MAL2: variants seen among roughly 807,000 people sequenced by gnomAD.
MAL2 encodes the protein protein MAL2.
MAL2 carries 17 observed loss-of-function variants against 18.1 expected under a neutral mutation model. That is an observed-to-expected ratio of 0.94 (90% CI 0.64 to 1.41). The LOEUF (loss-of-function observed/expected upper bound fraction) is 1.41, where lower values mean the gene tolerates loss of function less well. MAL2 is among the 40% of genes most tolerant of loss of function. The pLI, the probability that MAL2 is intolerant of heterozygous loss-of-function variation, is 0.00. For missense variants in MAL2, 222 were observed against 231.9 expected (o/e 0.96, Z 0.28); for synonymous variants, 102 against 102.3 (o/e 1.00, Z 0.02).
intron 2 of MAL2, among the ~76,000 whole-genome samples, chr8:119,235,587 A>C (rs1202908148): frequency 6.6e-6 from 1 of 152,126 alleles, no homozygotes; most frequent in Non-Finnish European, 1.5e-5. Flanking sequence ...CCATCAGACT[A>C]ACAGCGGGTC....
At chr8:119,228,754 G>A (rs528413355) in intron 2 of MAL2, among the ~76,000 whole-genome samples, 7 of 152,254 alleles carry the variant, frequency 4.6e-5, no homozygotes, top group Non-Finnish European at 8.8e-5. Context: ...ATAAATCCTC[G>A]ATGCCCTAGG....
chr8:119,240,398 C>A, intron 3 of MAL2, 78 bp downstream of exon 3: 1 of 1,444,294 alleles, frequency 6.9e-7, no homozygotes, highest in Non-Finnish European at 9.5e-7. Context: ...ACTCCTCAGG[C>A]AACAATAGTT....
chr8:119,240,124 ATTT>A (rs554091744), intron 2 of MAL2, 38 bp from the exon 3 acceptor site: 3 of 1,553,712 alleles, frequency 1.9e-6, no homozygotes, highest in Non-Finnish European at 2.6e-6. Flanking sequence ...ACAGAAAAAT[ATTT>A]TTTTTTAATT....
At chr8:119,227,723 A>T (rs1247976388) in intron 2 of MAL2, among the ~76,000 whole-genome samples, 1 of 152,184 alleles carries the variant, frequency 6.6e-6, no homozygotes, top group African/African-American at 2.4e-5. Flanking sequence ...CTCCATATAC[A>T]TCTGGGAGTC....
In MAL2 at chr8:119,221,692, C is replaced by T; in HGVS notation, c.238C>T (p.Leu80Phe). Residue 80 changes from leucine (L) to phenylalanine (F), a missense_variant, in exon 2 of 4, where the codon CTC (leucine) becomes TTC (phenylalanine). Physicochemically the swap from Leu to Phe is conservative, Grantham distance 22 (BLOSUM62 0). Coordinates refer to ENST00000614891, the MANE Select transcript of MAL2 (RefSeq NM_052886.3). ...FVSVTAFFFS[L>F]LFLGMFLSGM... ...GTCCGTGACAGCGTTTTTCTTTTCG[C>T]TCCTCTTTCTGGGCATGTTCCTCTC... 6.2e-7 allele frequency: 1 copy of T among 1,613,888 alleles called. No homozygotes were observed. Among genetic ancestry groups the T allele is most frequent in the Non-Finnish European group, 8.5e-7 (1 of 1,179,842 alleles).
chr8:119,219,554 T>TGA (rs1427997027), intron 1 of MAL2, among the ~76,000 whole-genome samples: 52 of 145,216 alleles, frequency 3.6e-4, no homozygotes, highest in African/African-American at 1.3e-3. Context: ...TGTGTGTGTG[T>TGA]GAGAGAGAGA....
intron 2 of MAL2, among the ~76,000 whole-genome samples, chr8:119,234,086 A>G (rs929036170): frequency 0.015 from 2,241 of 152,230 alleles, 61 homozygotes; most frequent in African/African-American, 0.052. Context: ...CAGTGGGCAC[A>G]GGCCAGTGGG....
intron 1 of MAL2, 149 bp from the exon 2 acceptor site, chr8:119,221,438 G>A: frequency 1.1e-6 from 1 of 888,402 alleles, no homozygotes; most frequent in Non-Finnish European, 1.7e-6. Flanking sequence ...ACATAATAAG[G>A]GGAAAATCGA....
chr8:119,232,576 A>G, intron 2 of MAL2, among the ~76,000 whole-genome samples: 1 of 152,294 alleles, frequency 6.6e-6, no homozygotes, highest in Admixed American at 6.5e-5. Context: ...TTTTGGTGGA[A>G]GTATATATGT....
At chr8:119,219,914 T>C (rs1052737965) in intron 1 of MAL2, among the ~76,000 whole-genome samples, 1 of 151,990 alleles carries the variant, frequency 6.6e-6, no homozygotes, top group African/African-American at 2.4e-5. Flanking sequence ...TAGATGTGAG[T>C]GGGAGAATCT....
intron 3 of MAL2, among the ~76,000 whole-genome samples, chr8:119,241,780 T>C (rs1257627748): frequency 3.3e-5 from 5 of 151,992 alleles, no homozygotes; most frequent in Admixed American, 1.3e-4. Context: ...TTCATGACTT[T>C]AACACTTGCT....
At chr8:119,224,856 C>T (rs1167375926) in intron 2 of MAL2, among the ~76,000 whole-genome samples, 1 of 152,196 alleles carries the variant, frequency 6.6e-6, no homozygotes, top group African/African-American at 2.4e-5. Flanking sequence ...GCTCCATCCA[C>T]TGCTTAGTAT....
chr8:119,244,977 T>G lies in MAL2; in HGVS notation c.*1489T>G, dbSNP rs1818122399. ...TTGGAGTGCCATGTATAAGTTGGGC[T>G]ATTAGAGTTCATGGAACATAGAACA... On this transcript the variant is annotated 3_prime_UTR_variant, in exon 4 of 4. Coordinates refer to ENST00000614891, the MANE Select transcript of MAL2 (RefSeq NM_052886.3). 2 of 152,612 alleles carry G rather than the reference T, an allele frequency of 1.3e-5. No individual in the cohort carries two copies. Among genetic ancestry groups the G allele is most frequent in the Admixed American group, 1.3e-4 (2 of 15,266 alleles). 9.5% of individuals were successfully genotyped at this position (152,612 alleles called of 1,614,324 possible).
intron 1 of MAL2, among the ~76,000 whole-genome samples, chr8:119,217,200 A>T (rs1563769225): frequency 6.6e-6 from 1 of 152,176 alleles, no homozygotes; most frequent in Non-Finnish European, 1.5e-5. Flanking sequence ...TGGTTTTCTT[A>T]TGGTAGGGTT....
chr8:119,236,781 C>G (rs201505636), intron 2 of MAL2, among the ~76,000 whole-genome samples: 2 of 150,130 alleles, frequency 1.3e-5, no homozygotes, highest in African/African-American at 5.0e-5. Flanking sequence ...TCTCTGGGAC[C>G]CATTCAAAGC....
intron 3 of MAL2, among the ~76,000 whole-genome samples, chr8:119,242,719 A>C (rs1051442065): frequency 5.3e-5 from 8 of 152,140 alleles, no homozygotes; most frequent in Non-Finnish European, 8.8e-5. Context: ...CCCTGTGCTA[A>C]ACCCACAACA....
Position 119,208,808 on chromosome 8 carries a change from T to C in MAL2, c.132+204T>C. ...TCCTAGCACCTGTTACGCGGGCACCTGCTCCCCCGCGGGCGACGGAAATTG... is the reference window on the plus strand; with the variant it reads ...TCCTAGCACCTGTTACGCGGGCACCCGCTCCCCCGCGGGCGACGGAAATTG... On this transcript the variant is annotated intron_variant, in intron 1 of 3. Transcript: ENST00000614891. This position sits in a 1 kb window ranked among gnomAD's most constrained non-coding sequence, Gnocchi z 4.3. 1 of 783,996 alleles carries C rather than the reference T, an allele frequency of 1.3e-6. No homozygotes were observed. Among genetic ancestry groups the C allele is most frequent in the Non-Finnish European group, 1.7e-6 (1 of 588,218 alleles). 48.6% of individuals were successfully genotyped at this position (783,996 alleles called of 1,614,324 possible). A position where few individuals can be genotyped will look rare whatever the true frequency, so the allele number is the denominator to read the frequency against.
intron 2 of MAL2, among the ~76,000 whole-genome samples, chr8:119,229,669 C>G (rs1413675776): frequency 6.6e-6 from 1 of 152,142 alleles, no homozygotes; most frequent in African/African-American, 2.4e-5. Flanking sequence ...TCAGCTCTAC[C>G]CATTGGGAAA....
intron 2 of MAL2, among the ~76,000 whole-genome samples, chr8:119,239,039 C>G (rs1351806234): frequency 1.3e-5 from 2 of 151,296 alleles, no homozygotes; most frequent in Admixed American, 1.3e-4. Context: ...TGACAAAGGT[C>G]TAATATCCAG....
Sources: allele counts gnomAD v4.1 joint callset (sites outside exome capture counted in the v4.1 genomes callset), GRCh38; gene constraint gnomAD v4.1.1; non-coding constraint Gnocchi (gnomAD v3.1); transcripts MANE v1.5; gene names NCBI Gene and HGNC (gene_info 2026-07-23, HGNC 2026-07-21).